BTBD8: variants seen among roughly 807,000 people sequenced by gnomAD.
The protein encoded by BTBD8 is BTB/POZ domain-containing protein 8.
Under a neutral mutation model 162.9 loss-of-function variants are expected in BTBD8, and 110 were observed. The observed-to-expected ratio is 0.68, with a 90% CI of 0.58 to 0.79. BTBD8 has a LOEUF of 0.79. Among genes scored for constraint, BTBD8 ranks in the 30% least tolerant of loss-of-function variants. BTBD8 has a pLI of 0.00. For synonymous variants in BTBD8, 667 were observed against 716.1 expected (o/e 0.93, Z 1.10); for missense variants, 1,905 against 2,085.4 (o/e 0.91, Z 1.68).
chr1:92,123,194 C>T (rs1649262652), intron 4 of BTBD8, among the ~76,000 whole-genome samples: 1 of 152,156 alleles, frequency 6.6e-6, no homozygotes, highest in Non-Finnish European at 1.5e-5. Flanking sequence ...AATTCTGTTC[C>T]AGTGATTTAT....
chr1:92,105,173 C>T (rs1648694538), intron 3 of BTBD8, among the ~76,000 whole-genome samples: 1 of 152,136 alleles, frequency 6.6e-6, no homozygotes, highest in South Asian at 2.1e-4. Flanking sequence ...ACCTTGTGAT[C>T]CGCCCGCCTC....
intron 4 of BTBD8, among the ~76,000 whole-genome samples, chr1:92,112,732 C>T (rs1383755575): frequency 1.3e-5 from 2 of 152,136 alleles, no homozygotes; most frequent in African/African-American, 4.8e-5. Context: ...AGAAGGTTAA[C>T]TTTGCTTTTA....
At chr1:92,085,623 A>T (rs1648138426) in intron 1 of BTBD8, among the ~76,000 whole-genome samples, 1 of 152,064 alleles carries the variant, frequency 6.6e-6, no homozygotes. Flanking sequence ...CCAGCTACTC[A>T]GGAGGCTGAG....
chr1:92,113,297 G>A (rs1332373612), intron 4 of BTBD8, among the ~76,000 whole-genome samples: 2 of 152,200 alleles, frequency 1.3e-5, no homozygotes, highest in African/African-American at 4.8e-5. Context: ...AAATGGAAAT[G>A]GCTGACATGC....
intron 3 of BTBD8, among the ~76,000 whole-genome samples, chr1:92,106,462 C>T (rs1333859633): frequency 1.3e-5 from 2 of 151,496 alleles, no homozygotes; most frequent in African/African-American, 4.9e-5. Context: ...AGATCGAGAC[C>T]ATCCTGGCTA....
chr1:92,175,561 G>A (rs1001410423), intron 13 of BTBD8, among the ~76,000 whole-genome samples: 6 of 150,978 alleles, frequency 4.0e-5, no homozygotes, highest in Admixed American at 6.6e-5. Flanking sequence ...TTGGGAGGCC[G>A]AGGCGGGTGG....
chr1:92,127,359 G>T (rs1649388085), intron 4 of BTBD8, among the ~76,000 whole-genome samples: 1 of 152,140 alleles, frequency 6.6e-6, no homozygotes, highest in Non-Finnish European at 1.5e-5. Flanking sequence ...TCCTTCAGTT[G>T]ACTCTAGTAT....
intron 2 of BTBD8, among the ~76,000 whole-genome samples, chr1:92,101,856 T>TCAG (rs1648599210): frequency 6.6e-6 from 1 of 151,650 alleles, no homozygotes; most frequent in Non-Finnish European, 1.5e-5. Flanking sequence ...GCCACCACAC[T>TCAG]CTGCTAAGTT....
rs12385694 is a variant in BTBD8 at position 92,127,300 on chromosome 1, C to T, written c.663-2387C>T. ...ATATGCTGAATTGAGGATCAGAATTCGAGGTCTACACTCCTGGTTGTTAAT... is the reference window on the plus strand; with the variant it reads ...ATATGCTGAATTGAGGATCAGAATTTGAGGTCTACACTCCTGGTTGTTAAT... On this transcript the variant is annotated intron_variant, in intron 4 of 17. Transcript: ENST00000636805. Among the ~76,000 whole-genome samples the T allele has an allele frequency of 8.3e-3, 1,262 of 152,264 alleles. 21 individuals carry two copies. Among genetic ancestry groups the T allele is most frequent in the African/African-American group, 0.028 (1,171 of 41,548 alleles).
intron 2 of BTBD8, among the ~76,000 whole-genome samples, chr1:92,099,986 G>C (rs1648545889): frequency 6.6e-6 from 1 of 152,188 alleles, no homozygotes; most frequent in African/African-American, 2.4e-5. Flanking sequence ...GATGTCAGCT[G>C]TGGGTTTTTC....
chr1:92,092,433 T>C (rs1648332599), intron 2 of BTBD8, among the ~76,000 whole-genome samples: 1 of 150,312 alleles, frequency 6.7e-6, no homozygotes, highest in Non-Finnish European at 1.5e-5. Flanking sequence ...ACCAGAGAGC[T>C]TGTGTGCATA....
chr1:92,100,300 T>C (rs1451151585), intron 2 of BTBD8, among the ~76,000 whole-genome samples: 1 of 152,210 alleles, frequency 6.6e-6, no homozygotes, highest in Non-Finnish European at 1.5e-5. Context: ...TTTTCTTTCC[T>C]TTGTCTGCTT....
chr1:92,089,253 A>G (rs1648236965), intron 2 of BTBD8, among the ~76,000 whole-genome samples: 1 of 152,072 alleles, frequency 6.6e-6, no homozygotes, highest in Admixed American at 6.6e-5. Context: ...TTCAGGTTGT[A>G]TAATTATTTG....
At chr1:92,122,268 T>A (rs984349005) in intron 4 of BTBD8, among the ~76,000 whole-genome samples, 97 of 147,218 alleles carry the variant, frequency 6.6e-4, no homozygotes, top group African/African-American at 1.2e-3. Flanking sequence ...TATTATTATT[T>A]TTTTTTTTTG....
At chr1:92,102,726 A>C (rs1648624648) in intron 3 of BTBD8, 57 bp downstream of exon 3, 1 of 1,320,478 alleles carries the variant, frequency 7.6e-7, no homozygotes, top group African/African-American at 1.5e-5. Context: ...ATATTCTGAT[A>C]CAGTTAGAGA....
chr1:92,138,828 A>G (rs1557453308), intron 5 of BTBD8, among the ~76,000 whole-genome samples: 1 of 152,222 alleles, frequency 6.6e-6, no homozygotes, highest in Non-Finnish European at 1.5e-5. Context: ...TCAATTGGAT[A>G]TAAAGGTTAT....
intron 9 of BTBD8, among the ~76,000 whole-genome samples, chr1:92,148,325 G>T (rs951134397): frequency 2.6e-5 from 4 of 152,144 alleles, no homozygotes; most frequent in African/African-American, 9.7e-5. Context: ...CCATTATCAT[G>T]ATATTCCACA....
chr1:92,152,401 A>G (rs1209747912), intron 9 of BTBD8, among the ~76,000 whole-genome samples: 1 of 152,220 alleles, frequency 6.6e-6, no homozygotes, highest in Non-Finnish European at 1.5e-5. Context: ...ATAACTTAGA[A>G]TTCAGGTGTA....
At chr1:92,114,125 T>C (rs868494729) in intron 4 of BTBD8, among the ~76,000 whole-genome samples, 1 of 151,902 alleles carries the variant, frequency 6.6e-6, no homozygotes. Flanking sequence ...TCAGATAAAG[T>C]AAGAAATAAT....
Sources: gnomAD v4.1 joint callset for allele counts (sites outside exome capture counted in the v4.1 genomes callset) on GRCh38, gnomAD v4.1.1 for gene constraint, MANE v1.5 for transcripts, NCBI Gene and HGNC (gene_info 2026-07-23, HGNC 2026-07-21) for gene names.